MBP: variants seen among roughly 807,000 people sequenced by gnomAD.
The protein encoded by MBP is myelin basic protein, also known as Golli-MBP.
A neutral mutation model predicts 35.8 loss-of-function variants in MBP; 16 were observed. The observed-to-expected ratio is 0.45, with a 90% confidence interval of 0.30 to 0.68. The LOEUF is 0.68. Among genes scored for constraint, MBP ranks in the 30% least tolerant of loss-of-function variants. The probability of loss-of-function intolerance (pLI) is 0.08; values close to 1 mark genes in which losing one functional copy is unlikely to be tolerated. For missense variants in MBP, 380 were observed against 404.7 expected (o/e 0.94, Z 0.52); for synonymous variants, 143 against 159.6 (o/e 0.90, Z 0.78).
intron 3 of MBP, among the ~76,000 whole-genome samples, chr18:77,052,840 C>A (rs1973552109): frequency 6.6e-6 from 1 of 152,156 alleles, no homozygotes; most frequent in Non-Finnish European, 1.5e-5. Context: ...CTCCACTCAG[C>A]AGGGGCCCCC....
Position 77,108,453 on chromosome 18 carries a change from T to C in MBP, c.-25-3167A>G, listed in dbSNP as rs140451197. 14 of 152,334 alleles carry C rather than the reference T, an allele frequency of 9.2e-5. No individual in the cohort carries two copies. In the East Asian group the frequency reaches 2.7e-3, roughly 29 times the overall value. The allele number at this position is 152,334 out of a possible 1,614,324, so 9.4% of individuals were successfully genotyped here. A position where few individuals can be genotyped will look rare whatever the true frequency, so the allele number is the denominator to read the frequency against. The stretch of plus-strand genomic sequence containing the variant: ...GAAAGAGAGGGAGGAAGAACTGAGC[T>C]AGAGCTGTGGGAGGGACAGACTTTC... On this transcript the variant is annotated intron_variant, in intron 1 of 8. Transcript: ENST00000355994.
chr18:77,018,496 CCCAT>C (rs1971789440), intron 3 of MBP, among the ~76,000 whole-genome samples: 3 of 148,286 alleles, frequency 2.0e-5, no homozygotes, highest in South Asian at 2.1e-4. Context: ...AGTCCATTTA[CCCAT>C]CCATCCATCT....
chr18:77,001,126 C>T (rs191365019), intron 4 of MBP, among the ~76,000 whole-genome samples: 1 of 151,906 alleles, frequency 6.6e-6, no homozygotes, highest in Non-Finnish European at 1.5e-5. Context: ...CCCACCCGGT[C>T]CCCACTCACC....
chr18:77,081,821 C>CACACACTATATAT (rs1974940422), intron 2 of MBP, among the ~76,000 whole-genome samples: 1 of 58,910 alleles, frequency 1.7e-5, no homozygotes, highest in Non-Finnish European at 3.5e-5. Flanking sequence ...CACATATATA[C>CACACACTATATAT]ACACACACAC....
At position 77,085,977 on chromosome 18, in the gene MBP, C is replaced by T. The variant is rs138172815; in HGVS notation, c.51+19234G>A. 1.3e-3 allele frequency among the ~76,000 whole-genome samples: 193 copies of T among 152,146 alleles called. No individual in the cohort carries two copies. The Middle Eastern group carries it at 0.014, about 11-fold the overall frequency. On this transcript the variant is annotated intron_variant, in intron 2 of 8. Coordinates refer to ENST00000355994, the MANE Select transcript of MBP (RefSeq NM_001025101.2). ...GATTACAGGTGTGAACCACCGCGCCCGGCCCTCAGTGCAATAAGGAGAGAG... is the reference window on the plus strand; with the variant it reads ...GATTACAGGTGTGAACCACCGCGCCTGGCCCTCAGTGCAATAAGGAGAGAG...
In MBP at chr18:77,017,365, T is replaced by C. The variant is rs1483713612; in HGVS notation, c.140-97A>G. The C allele has an allele frequency of 5.9e-6, 7 of 1,178,318 alleles. No homozygotes were observed. The East Asian group carries it at 1.3e-4, about 21-fold the overall frequency. The allele number at this position is 1,178,318 out of a possible 1,614,324, so 73.0% of individuals were successfully genotyped here. ...GGGGTCTTGACCTAGCTGTCTCCTA[T>C]AAAACCCACAGAATATGTGCAGTCC... is the stretch of plus-strand genomic sequence containing the variant. On this transcript the variant is annotated intron_variant, in intron 3 of 8. Coordinates refer to ENST00000355994, the MANE Select transcript of MBP (RefSeq NM_001025101.2).
At chr18:76,997,072 T>G (rs553705006) in intron 4 of MBP, among the ~76,000 whole-genome samples, 119 of 152,270 alleles carry the variant, frequency 7.8e-4, no homozygotes, top group African/African-American at 2.7e-3. Context: ...ATGTCTCTGT[T>G]TTGGGAAAAT....
chr18:77,110,908 C>T (rs953081357), intron 1 of MBP, among the ~76,000 whole-genome samples: 2 of 152,158 alleles, frequency 1.3e-5, no homozygotes, highest in African/African-American at 4.8e-5. Context: ...ATTTGAAGAG[C>T]CCACCATGAA....
At chr18:77,130,972 A>T (rs1977223259) in intron 1 of MBP, among the ~76,000 whole-genome samples, 1 of 150,078 alleles carries the variant, frequency 6.7e-6, no homozygotes, top group Non-Finnish European at 1.5e-5. Context: ...TTACTCCAGC[A>T]TTTACAGCAA....
intron 1 of MBP, chr18:77,110,512 C>T (rs1443071957): frequency 6.6e-6 from 1 of 151,406 alleles, no homozygotes; most frequent in African/African-American, 2.4e-5. Context: ...GTCACAAGGA[C>T]CTTCTCCCCA....
intron 2 of MBP, among the ~76,000 whole-genome samples, chr18:77,091,645 CACAA>C (rs1430319425): frequency 4.0e-5 from 6 of 151,646 alleles, no homozygotes; most frequent in African/African-American, 9.7e-5. Context: ...GTATACACAC[CACAA>C]ACACACATGC....
intron 4 of MBP, among the ~76,000 whole-genome samples, chr18:76,996,702 G>T (rs1274285366): frequency 6.6e-6 from 1 of 152,102 alleles, no homozygotes; most frequent in Non-Finnish European, 1.5e-5. Flanking sequence ...GAGCTGGGGG[G>T]CAGGGAGTGG....
intron 2 of MBP, among the ~76,000 whole-genome samples, chr18:77,089,646 T>C (rs1975420521): frequency 1.3e-5 from 2 of 152,216 alleles, no homozygotes; most frequent in African/African-American, 2.4e-5. Context: ...GCATTCAGCA[T>C]GTGGCAGTTC....
chr18:77,064,223 C>T (rs1194326592), intron 3 of MBP, among the ~76,000 whole-genome samples: 2 of 152,202 alleles, frequency 1.3e-5, no homozygotes, highest in East Asian at 1.9e-4. Flanking sequence ...AAGGCTGGGA[C>T]ATCCCATTCA....
At chr18:77,005,152 C>A (rs1970866255) in intron 4 of MBP, 8 of 152,264 alleles carry the variant, frequency 5.3e-5, no homozygotes, top group Admixed American at 5.2e-4. Flanking sequence ...AGAGGAAGAG[C>A]TTTGACGCCG....
In MBP at chr18:77,015,727, G is replaced by A. The variant is rs117335468; in HGVS notation, c.576+1105C>T. 5.6e-5 allele frequency: 55 copies of A among 985,408 alleles called. No homozygotes were observed. The East Asian group carries it at 5.7e-3, about 102-fold the overall frequency. 61.0% of individuals were successfully genotyped at this position (985,408 alleles called of 1,614,324 possible). On this transcript the variant is annotated intron_variant, in intron 4 of 8. Transcript: ENST00000355994. ...TTGTGTTTCTCTTCAACAATTTCAT[G>A]ATCAATAAAGAATTGCAGTTGGAGA...
chr18:77,049,086 A>AT (rs1333600836), intron 3 of MBP, among the ~76,000 whole-genome samples: 3 of 151,836 alleles, frequency 2.0e-5, no homozygotes, highest in Non-Finnish European at 2.9e-5. Context: ...CGCCCGGCTA[A>AT]TTTTTTGTAT....
chr18:76,985,119 G>T, intron 7 of MBP: 1 of 1,534,090 alleles, frequency 6.5e-7, no homozygotes, highest in Non-Finnish European at 8.7e-7. Context: ...GAGGGCTCTG[G>T]TTTGGGCGGA....
chr18:77,000,249 T>G (rs1970559222), intron 4 of MBP, among the ~76,000 whole-genome samples: 1 of 152,246 alleles, frequency 6.6e-6, no homozygotes, highest in African/African-American at 2.4e-5. Context: ...AGGATGACCC[T>G]GGTTTACACT....
Sources: allele counts gnomAD v4.1 joint callset (sites outside exome capture counted in the v4.1 genomes callset), GRCh38; gene constraint gnomAD v4.1.1; transcripts MANE v1.5; gene names NCBI Gene and HGNC (gene_info 2026-07-23, HGNC 2026-07-21).